Variants in CPEB3 observed in about 807,000 individuals in gnomAD.
CPEB3 encodes the protein cytoplasmic polyadenylation element binding protein 3.
In CPEB3, 20 loss-of-function variants were observed where a neutral mutation model predicts 67.2. The ratio of observed to expected loss-of-function variants is 0.30; its 90% confidence interval spans 0.21 to 0.43. CPEB3 has a LOEUF of 0.43. Among genes scored for constraint, CPEB3 ranks in the 20% least tolerant of loss-of-function variants. The pLI is 1.00. For synonymous variants in CPEB3, 376 were observed against 393.1 expected (o/e 0.96, Z 0.51); for missense variants, 746 against 968.6 (o/e 0.77, Z 3.05).
chr10:92,280,013 AAAAG>A (rs1031839111), intron 1 of CPEB3, among the ~76,000 whole-genome samples: 7 of 151,988 alleles, frequency 4.6e-5, no homozygotes, highest in East Asian at 1.9e-4. Flanking sequence ...CTGGTCTCAA[AAAAG>A]AAAGAAAGAG....
chr10:92,221,531 A>T (rs775859158), intron 2 of CPEB3, among the ~76,000 whole-genome samples: 1 of 152,174 alleles, frequency 6.6e-6, no homozygotes, highest in Non-Finnish European at 1.5e-5. Flanking sequence ...ATTTATTCAA[A>T]TATATAATAA....
At chr10:92,073,630 C>T (rs558078314) in intron 9 of CPEB3, among the ~76,000 whole-genome samples, 11 of 151,376 alleles carry the variant, frequency 7.3e-5, no homozygotes, top group South Asian at 2.1e-4. Flanking sequence ...TTTTTTTTGG[C>T]GAGATGAGGG....
At chr10:92,065,421 A>G (rs1399742271) in intron 9 of CPEB3, among the ~76,000 whole-genome samples, 1 of 152,034 alleles carries the variant, frequency 6.6e-6, no homozygotes, top group Admixed American at 6.6e-5. Flanking sequence ...GGGTTTCACC[A>G]TGTTGGCCAG....
At chr10:92,189,867 G>A (rs911370020) in intron 3 of CPEB3, among the ~76,000 whole-genome samples, 8 of 146,160 alleles carry the variant, frequency 5.5e-5, no homozygotes, top group Non-Finnish European at 1.0e-4. Context: ...TTTCCTTTTC[G>A]TCCTTTTACA....
chr10:92,196,889 A>G (rs1026983230), intron 2 of CPEB3, among the ~76,000 whole-genome samples: 28 of 151,596 alleles, frequency 1.8e-4, no homozygotes, highest in South Asian at 6.3e-4. Flanking sequence ...CCTAGATCAC[A>G]CCACTGCACT....
chr10:92,062,873 A>T (rs765440400), intron 9 of CPEB3, among the ~76,000 whole-genome samples: 1 of 152,270 alleles, frequency 6.6e-6, no homozygotes, highest in Admixed American at 6.5e-5. Flanking sequence ...CAGATCGTTA[A>T]GCTGAACCTC....
chr10:92,164,509 G>A (rs1384708431), intron 4 of CPEB3, among the ~76,000 whole-genome samples: 2 of 151,938 alleles, frequency 1.3e-5, no homozygotes, highest in African/African-American at 2.4e-5. Flanking sequence ...CTCCCTTCTC[G>A]CCATAGTTTT....
intron 1 of CPEB3, among the ~76,000 whole-genome samples, chr10:92,278,302 C>G (rs1205379080): frequency 6.6e-6 from 1 of 152,130 alleles, no homozygotes; most frequent in Non-Finnish European, 1.5e-5. Flanking sequence ...AGGGATTGCA[C>G]TGAATCTGTA....
intron 1 of CPEB3, among the ~76,000 whole-genome samples, chr10:92,251,281 T>A: frequency 6.6e-6 from 1 of 152,160 alleles, no homozygotes; most frequent in East Asian, 1.9e-4. Flanking sequence ...CCTTTGTTGG[T>A]AAGCAACACA....
intron 9 of CPEB3, among the ~76,000 whole-genome samples, chr10:92,054,941 G>A (rs1379308973): frequency 6.6e-6 from 1 of 152,136 alleles, no homozygotes; most frequent in Non-Finnish European, 1.5e-5. Flanking sequence ...CAGAAGCAAA[G>A]TAAATGTCTA....
intron 4 of CPEB3, among the ~76,000 whole-genome samples, chr10:92,151,964 C>A (rs957080128): frequency 6.6e-6 from 1 of 152,164 alleles, no homozygotes; most frequent in Non-Finnish European, 1.5e-5. Flanking sequence ...TCACTTCACT[C>A]CAAACAGCAA....
In CPEB3 at chr10:92,123,931, T is replaced by C. The variant is rs75189551; in HGVS notation, c.1454-12737A>G. Among the ~76,000 whole-genome samples, 1,271 of 152,302 alleles carry C rather than the reference T, an allele frequency of 8.3e-3. 27 individuals carry two copies. Among genetic ancestry groups the C allele is most frequent in the African/African-American group, 0.029 (1,216 of 41,556 alleles). On this transcript the variant is annotated intron_variant, in intron 6 of 9. Transcript: ENST00000265997. ...CTAGCTGGCTTCCCATTCCTAACTC[T>C]GCAATTAACATATCCTCTGTTGGTC...
chr10:92,053,767 C>T (rs1354152602), intron 9 of CPEB3, among the ~76,000 whole-genome samples: 1 of 151,882 alleles, frequency 6.6e-6, no homozygotes, highest in Non-Finnish European at 1.5e-5. Context: ...GGTCTCGATC[C>T]CCTGACCTCG....
In CPEB3 at chr10:92,192,537, A is replaced by G. The variant is rs762421634; in HGVS notation, c.1105T>C (p.Tyr369His). Residue 369 changes from tyrosine (Y) to histidine (H), a missense_variant, in exon 3 of 10, where the codon TAC (tyrosine) becomes CAC (histidine). Tyr to His is a moderately conservative substitution (Grantham distance 83). Around this residue, in one of 2 missense-constraint regions of CPEB3, gnomAD observed 643 missense variants for 717.5 expected, o/e 0.90. Transcript: ENST00000265997. ...TDHEPLKGKH[Y>H]PPSGPPMSFA... ...CTCATTGGTGGGCCACTGGGAGGGT[A>G]GTGTTTACCTTTCAGAGGTTCATGA... 4 of 1,613,912 alleles carry G rather than the reference A, an allele frequency of 2.5e-6. No homozygotes were observed. Among genetic ancestry groups the G allele is most frequent in the Non-Finnish European group, 2.5e-6 (3 of 1,179,910 alleles).
At chr10:92,217,944 C>T (rs942157417) in intron 2 of CPEB3, among the ~76,000 whole-genome samples, 3 of 152,188 alleles carry the variant, frequency 2.0e-5, no homozygotes, top group African/African-American at 7.2e-5. Flanking sequence ...ATGGCAAAAC[C>T]CCGTTTCTAC....
At chr10:92,129,736 T>C (rs561321653) in intron 6 of CPEB3, among the ~76,000 whole-genome samples, 17 of 152,090 alleles carry the variant, frequency 1.1e-4, no homozygotes, top group Non-Finnish European at 1.9e-4. Flanking sequence ...GCTCTTTCAT[T>C]TTTCTTCTAC....
intron 1 of CPEB3, among the ~76,000 whole-genome samples, chr10:92,267,270 G>T (rs984260258): frequency 6.6e-6 from 1 of 152,108 alleles, no homozygotes. Flanking sequence ...TACTCTTCTT[G>T]TTCTTGTTGT....
chr10:92,279,422 C>T (rs548694341), intron 1 of CPEB3, among the ~76,000 whole-genome samples: 1 of 152,262 alleles, frequency 6.6e-6, no homozygotes, highest in East Asian at 1.9e-4. Context: ...ACAATGGCTG[C>T]AGTCTGTGTT....
intron 3 of CPEB3, among the ~76,000 whole-genome samples, chr10:92,190,130 T>C (rs1364613937): frequency 1.3e-5 from 2 of 151,626 alleles, no homozygotes. Context: ...ATACAAAAAT[T>C]AGCTGGTAGT....
Sources: gnomAD v4.1 joint callset for allele counts (sites outside exome capture counted in the v4.1 genomes callset) on GRCh38, gnomAD v4.1.1 for gene constraint, gnomAD v4.1.1 regional missense constraint, MANE v1.5 for transcripts, NCBI Gene and HGNC (gene_info 2026-07-23, HGNC 2026-07-21) for gene names.